P2RX7: variants seen among roughly 807,000 people sequenced by gnomAD.
P2RX7 encodes P2X purinoceptor 7.
P2RX7 carries 62 observed loss-of-function variants against 71.6 expected under a neutral mutation model. The ratio of observed to expected loss-of-function variants is 0.87; its 90% CI spans 0.71 to 1.07. The LOEUF is 1.07. Ranked by LOEUF, P2RX7 falls within the 50% of genes least tolerant of loss-of-function variation. The pLI, the probability that P2RX7 is intolerant of heterozygous loss-of-function variation, is 0.00. For missense variants in P2RX7, 686 were observed against 748.5 expected, an observed-to-expected ratio of 0.92 and a Z score of 0.97; for synonymous variants, 299 against 283.3, an observed-to-expected ratio of 1.06 and a Z score of -0.56.
chr12:121,156,024 T>G, intron 2 of P2RX7, 55 bp from the exon 3 acceptor site: 1 of 1,446,276 alleles, frequency 6.9e-7, no homozygotes, highest in Non-Finnish European at 9.7e-7. Flanking sequence ...TTATTATAAT[T>G]AAGTAGTTCT....
chr12:121,162,467 G>T lies in P2RX7; in HGVS notation c.480G>T (p.Lys160Asn), dbSNP rs1326476852. 1.9e-6 allele frequency: 3 copies of T among 1,613,820 alleles called. No homozygotes were observed. The highest frequency in any genetic ancestry group is 2.5e-6 in the Non-Finnish European group (3 of 1,180,016). The stretch of plus-strand genomic sequence containing the variant: ...GTGTAGTGTATGAAGGGAACCAGAA[G>T]ACCTGTGAAGTCTCTGCCTGGTGCC... ...GRCVVYEGNQ[K>N]TCEVSAWCPI... Residue 160 changes from lysine (K) to asparagine (N), a missense_variant, in exon 5 of 13, where the codon AAG becomes AAT. Transcript: ENST00000328963.
rs140791102 is a variant in P2RX7, at chr12:121,147,661, A to G, written c.126-7124A>G. 3.9e-3 allele frequency among the ~76,000 whole-genome samples: 587 copies of G among 152,148 alleles called. 5 individuals carry two copies. The highest frequency in any genetic ancestry group is 0.014 in the African/African-American group (568 of 41,512). ...ACAGTCTCAGTCTGTCACCAGGCTGAAGTGCAGTGGCACGATCTTGGCTCA... is the reference window on the plus strand; with the variant it reads ...ACAGTCTCAGTCTGTCACCAGGCTGGAGTGCAGTGGCACGATCTTGGCTCA... On this transcript the variant is annotated intron_variant, in intron 1 of 12. Coordinates refer to ENST00000328963, the MANE Select transcript of P2RX7 (RefSeq NM_002562.6).
chr12:121,177,481 G>A (rs766137707), intron 11 of P2RX7, 35 bp downstream of exon 11: 3 of 1,598,116 alleles, frequency 1.9e-6, no homozygotes, highest in South Asian at 2.2e-5. Context: ...ACCAAGACAT[G>A]GAGAGATTCC....
At chr12:121,169,719 A>G (rs1353185753) in intron 8 of P2RX7, among the ~76,000 whole-genome samples, 3 of 152,170 alleles carry the variant, frequency 2.0e-5, no homozygotes, top group Non-Finnish European at 2.9e-5. Context: ...TAGCCTGGGC[A>G]ACATAGGGAG....
chr12:121,169,923 G>A (rs919874995), intron 8 of P2RX7, among the ~76,000 whole-genome samples: 1 of 152,026 alleles, frequency 6.6e-6, no homozygotes, highest in Non-Finnish European at 1.5e-5. Flanking sequence ...GTGGCCACTG[G>A]CTGGAGCTGA....
rs568382323 is a variant in P2RX7 at position 121,162,317 on chromosome 12, C to A, written c.437-107C>A. On this transcript the variant is annotated intron_variant, in intron 4 of 12. Coordinates refer to ENST00000328963, the MANE Select transcript of P2RX7 (RefSeq NM_002562.6). ...AGCTGCGTGGGTTGGAAAGCCTGGT[C>A]AAAGCCTAGTCTCTCGCCCGGGTTG... is the stretch of plus-strand genomic sequence containing the variant. 58 of 1,494,320 alleles carry A rather than the reference C, an allele frequency of 3.9e-5. No homozygotes were observed. In the African/African-American group the frequency reaches 7.7e-4, roughly 20 times the overall value. 92.6% of individuals were successfully genotyped at this position (1,494,320 alleles called of 1,614,324 possible).
intron 5 of P2RX7, among the ~76,000 whole-genome samples, chr12:121,163,479 A>G (rs1267412081): frequency 6.6e-6 from 1 of 152,144 alleles, no homozygotes; most frequent in Non-Finnish European, 1.5e-5. Context: ...TAGGGCAGCT[A>G]CTAGGTACAT....
intron 3 of P2RX7, among the ~76,000 whole-genome samples, chr12:121,158,733 T>C (rs192279541): frequency 6.6e-6 from 1 of 151,196 alleles, no homozygotes; most frequent in Non-Finnish European, 1.5e-5. Flanking sequence ...TGCTGTTTTT[T>C]AAAAAAAAAA....
At chr12:121,144,300 C>T (rs972587129) in intron 1 of P2RX7, among the ~76,000 whole-genome samples, 4 of 152,150 alleles carry the variant, frequency 2.6e-5, no homozygotes, top group Non-Finnish European at 5.9e-5. Context: ...CGGATTCAAG[C>T]GATTCTCCTA....
intron 1 of P2RX7, among the ~76,000 whole-genome samples, chr12:121,147,117 G>T (rs1876359379): frequency 6.6e-6 from 1 of 152,154 alleles, no homozygotes; most frequent in Non-Finnish European, 1.5e-5. Flanking sequence ...CACCAGCAAT[G>T]AACATTTGAA....
intron 1 of P2RX7, among the ~76,000 whole-genome samples, chr12:121,141,115 T>C (rs1181574505): frequency 6.6e-6 from 1 of 152,042 alleles, no homozygotes; most frequent in African/African-American, 2.4e-5. Context: ...ATAAAGGATA[T>C]CAGGCAAGCA....
intron 5 of P2RX7, among the ~76,000 whole-genome samples, chr12:121,163,327 TACACACACAC>T (rs113687409): frequency 1.9e-4 from 28 of 145,308 alleles, no homozygotes; most frequent in South Asian, 8.9e-4. Flanking sequence ...ATGCCTGGCT[TACACACACAC>T]ACACACACAC....
chr12:121,183,373 C>A (rs1884443047), intron 12 of P2RX7, among the ~76,000 whole-genome samples: 1 of 151,416 alleles, frequency 6.6e-6, no homozygotes. Flanking sequence ...GAGTTCAACA[C>A]CAGCCTGGCC....
intron 1 of P2RX7, among the ~76,000 whole-genome samples, chr12:121,141,844 C>G (rs374246060): frequency 1.3e-5 from 2 of 152,250 alleles, no homozygotes; most frequent in South Asian, 2.1e-4. Flanking sequence ...AGGGAACACT[C>G]TGTGTTATGC....
intron 1 of P2RX7, among the ~76,000 whole-genome samples, chr12:121,137,955 A>C (rs1427125980): frequency 1.3e-5 from 2 of 152,246 alleles, no homozygotes; most frequent in Non-Finnish European, 2.9e-5. Context: ...AAATTAACCA[A>C]GAGGCTGTTC....
chr12:121,154,245 G>A lies in P2RX7; in HGVS notation c.126-540G>A, dbSNP rs1430703868. 2.0e-5 allele frequency among the ~76,000 whole-genome samples: 3 copies of A among 150,956 alleles called. No individual in the cohort carries two copies. Among genetic ancestry groups the A allele is most frequent in the Non-Finnish European group, 4.4e-5 (3 of 67,898 alleles). On this transcript the variant is annotated intron_variant, in intron 1 of 12. Coordinates refer to ENST00000328963, the MANE Select transcript of P2RX7 (RefSeq NM_002562.6). This position sits in a 1 kb window ranked among gnomAD's most constrained non-coding sequence, Gnocchi z 4.2. ...GTGGAAGTTGCAGTGAGCCAAGATC[G>A]CACCATTGCACTCCAGTCTGGGCAA...
intron 9 of P2RX7, 67 bp from the exon 10 acceptor site, chr12:121,177,080 T>C: frequency 7.2e-7 from 1 of 1,386,090 alleles, no homozygotes; most frequent in East Asian, 2.3e-5. Context: ...AACCAACAAT[T>C]GCACGTTGAA....
chr12:121,134,996 T>C (rs1052438810), intron 1 of P2RX7, among the ~76,000 whole-genome samples: 7 of 152,088 alleles, frequency 4.6e-5, no homozygotes, highest in Non-Finnish European at 1.0e-4. Context: ...GCCCTTATCA[T>C]GATGACTGAC....
rs1303835509 is a variant in P2RX7, at chr12:121,186,996, T to A, written c.*2194T>A. 6.6e-6 allele frequency: 1 copy of A among 152,220 alleles called. No homozygotes were observed. The highest frequency in any genetic ancestry group is 1.5e-5 in the Non-Finnish European group (1 of 68,036). 9.4% of individuals were successfully genotyped at this position (152,220 alleles called of 1,614,324 possible). ...TGACGCAGTCTGGGTGCTAGCTGCTTCAAAAGCAACCCACACCACACTTTT... is the reference window on the plus strand; with the variant it reads ...TGACGCAGTCTGGGTGCTAGCTGCTACAAAAGCAACCCACACCACACTTTT... On this transcript the variant is annotated 3_prime_UTR_variant, in exon 13 of 13. Coordinates refer to ENST00000328963, the MANE Select transcript of P2RX7 (RefSeq NM_002562.6).
Sources: gnomAD v4.1 joint callset for allele counts (sites outside exome capture counted in the v4.1 genomes callset) on GRCh38, gnomAD v4.1.1 for gene constraint, Gnocchi (gnomAD v3.1) non-coding constraint, MANE v1.5 for transcripts, NCBI Gene and HGNC (gene_info 2026-07-23, HGNC 2026-07-21) for gene names.